The following FHIT variants were observed in gnomAD, a reference collection of about 807,000 sequenced individuals.
The protein encoded by FHIT is fragile histidine triad diadenosine triphosphatase.
Under a neutral mutation model 17.9 loss-of-function variants are expected in FHIT, and 19 were observed. The ratio of observed to expected loss-of-function variants is 1.06; its 90% CI spans 0.74 to 1.56. The LOEUF is 1.56. Ranked by LOEUF, FHIT falls within the 40% of genes most tolerant of loss-of-function variation. The pLI is 0.00. For synonymous variants in FHIT, 81 were observed against 69.7 expected, an observed-to-expected ratio of 1.16 and a Z score of -0.81; for missense variants, 248 against 189.2, an observed-to-expected ratio of 1.31 and a Z score of -1.82.
At chr3:60,685,393 T>C (rs1272681047) in intron 4 of FHIT, among the ~76,000 whole-genome samples, 1 of 152,132 alleles carries the variant, frequency 6.6e-6, no homozygotes, top group Admixed American at 6.6e-5. Flanking sequence ...GGACCTTCTA[T>C]CTGCTGGTAC....
chr3:59,779,288 AAGAG>A (rs1390958681), intron 8 of FHIT, among the ~76,000 whole-genome samples: 2 of 152,086 alleles, frequency 1.3e-5, no homozygotes, highest in African/African-American at 4.8e-5. Flanking sequence ...TTGTTAAGGG[AAGAG>A]AGAGAGTTGT....
At chr3:60,357,423 T>G (rs960483027) in intron 5 of FHIT, among the ~76,000 whole-genome samples, 3 of 152,104 alleles carry the variant, frequency 2.0e-5, no homozygotes, top group Admixed American at 1.3e-4. Flanking sequence ...TTTTGTATTT[T>G]TAGTAGAGAC....
At chr3:60,851,069 A>G (rs534742191) in intron 3 of FHIT, among the ~76,000 whole-genome samples, 7 of 152,218 alleles carry the variant, frequency 4.6e-5, no homozygotes, top group Admixed American at 4.6e-4. Context: ...GAGGAGAAAT[A>G]CTCTTTTAAA....
At chr3:60,669,067 C>T (rs1367982895) in intron 4 of FHIT, among the ~76,000 whole-genome samples, 4 of 152,162 alleles carry the variant, frequency 2.6e-5, no homozygotes, top group African/African-American at 9.7e-5. Context: ...TATTTGTGTA[C>T]ATCCACGGAT....
intron 5 of FHIT, among the ~76,000 whole-genome samples, chr3:60,503,719 G>A (rs576454598): frequency 8.2e-4 from 125 of 152,050 alleles, no homozygotes; most frequent in African/African-American, 2.8e-3. Flanking sequence ...AAAAACTTAC[G>A]GTATTAGGAT....
intron 8 of FHIT, among the ~76,000 whole-genome samples, chr3:59,814,211 A>T (rs886895443): frequency 1.3e-5 from 2 of 152,240 alleles, no homozygotes; most frequent in Non-Finnish European, 2.9e-5. Flanking sequence ...ACTGAGATGG[A>T]ACAACATCAG....
chr3:59,814,238 T>C (rs774139805), intron 8 of FHIT, among the ~76,000 whole-genome samples: 4 of 152,200 alleles, frequency 2.6e-5, no homozygotes, highest in Non-Finnish European at 4.4e-5. Context: ...TGGAAAATGC[T>C]CCGCGTCTGT....
At chr3:60,560,973 T>C (rs1345569279) in intron 4 of FHIT, among the ~76,000 whole-genome samples, 1 of 151,998 alleles carries the variant, frequency 6.6e-6, no homozygotes, top group Admixed American at 6.6e-5. Flanking sequence ...TATTTTCATT[T>C]ACCATCCCCA....
intron 5 of FHIT, among the ~76,000 whole-genome samples, chr3:60,195,500 A>G (rs1702587517): frequency 6.8e-6 from 1 of 147,814 alleles, no homozygotes; most frequent in Non-Finnish European, 1.5e-5. Flanking sequence ...AAAGACGTGG[A>G]ACCAACCTAA....
chr3:60,840,546 A>G (rs74380983), intron 3 of FHIT, among the ~76,000 whole-genome samples: 18 of 152,342 alleles, frequency 1.2e-4, no homozygotes, highest in Non-Finnish European at 1.9e-4. Flanking sequence ...AAAGGTTTTT[A>G]TATCAAGGAC....
chr3:60,539,493 CAT>C lies in FHIT; in HGVS notation c.-17-2516_-17-2515del, dbSNP rs528508455. The stretch of plus-strand genomic sequence containing the variant: ...ATGCTGCTATAAAGACACATGCACA[CAT>C]ATGTTTATTGCGGCACTATTCACAA... On this transcript the variant is annotated intron_variant, in intron 4 of 9. Transcript: ENST00000492590. Among the ~76,000 whole-genome samples, 8 of 152,258 alleles carry C rather than the reference CAT, an allele frequency of 5.3e-5. No homozygotes were observed. In the South Asian group the frequency reaches 8.3e-4, roughly 16 times the overall value.
At chr3:60,715,261 T>C (rs1489736505) in intron 4 of FHIT, among the ~76,000 whole-genome samples, 5 of 152,144 alleles carry the variant, frequency 3.3e-5, no homozygotes, top group Non-Finnish European at 7.3e-5. Context: ...GATCCCTTTC[T>C]TACACCTTAT....
At chr3:60,187,837 C>T (rs781455281) in intron 5 of FHIT, among the ~76,000 whole-genome samples, 3 of 152,136 alleles carry the variant, frequency 2.0e-5, no homozygotes, top group Non-Finnish European at 4.4e-5. Context: ...TTCAGCCTTA[C>T]TGATCATAGC....
At chr3:60,042,885 A>G (rs1196254591) in intron 5 of FHIT, among the ~76,000 whole-genome samples, 3 of 152,184 alleles carry the variant, frequency 2.0e-5, no homozygotes, top group African/African-American at 4.8e-5. Flanking sequence ...CCATTGTCAC[A>G]TATTTCAAAG....
At chr3:60,212,060 C>T (rs768470717) in intron 5 of FHIT, among the ~76,000 whole-genome samples, 13 of 152,164 alleles carry the variant, frequency 8.5e-5, no homozygotes, top group East Asian at 1.9e-4. Context: ...AGTCTGCTCA[C>T]GCCCAGCATC....
At chr3:60,088,264 C>G (rs374970082) in intron 5 of FHIT, among the ~76,000 whole-genome samples, 24 of 152,278 alleles carry the variant, frequency 1.6e-4, no homozygotes, top group African/African-American at 5.8e-4. Context: ...CAGGCCCCAC[C>G]TCCAATACTG....
chr3:61,031,539 T>C (rs1311536438), intron 3 of FHIT, among the ~76,000 whole-genome samples: 1 of 152,228 alleles, frequency 6.6e-6, no homozygotes, highest in East Asian at 1.9e-4. Context: ...TCATGTAAAT[T>C]GAATTCATCT....
chr3:61,048,157 G>T (rs1183812478), intron 2 of FHIT, among the ~76,000 whole-genome samples: 2 of 152,068 alleles, frequency 1.3e-5, no homozygotes, highest in African/African-American at 2.4e-5. Flanking sequence ...CTTCTGCACA[G>T]CAAAAGAAAC....
chr3:61,042,882 T>C (rs111624714), intron 2 of FHIT, among the ~76,000 whole-genome samples: 30 of 151,644 alleles, frequency 2.0e-4, no homozygotes, highest in African/African-American at 7.3e-4. Flanking sequence ...AAAGTAAGGA[T>C]ACCTGGAGTT....
Sources: gnomAD v4.1 joint callset for allele counts (sites outside exome capture counted in the v4.1 genomes callset) on GRCh38, gnomAD v4.1.1 for gene constraint, MANE v1.5 for transcripts, NCBI Gene and HGNC (gene_info 2026-07-23, HGNC 2026-07-21) for gene names.